Variants in ABCG2 observed in about 807,000 individuals in gnomAD.
The protein encoded by ABCG2 is broad substrate specificity ATP-binding cassette transporter ABCG2.
Under a neutral mutation model 73.5 loss-of-function variants are expected in ABCG2, and 80 were observed. The ratio of observed to expected loss-of-function variants is 1.09; its 90% confidence interval spans 0.91 to 1.31. The LOEUF (loss-of-function observed/expected upper bound fraction) is 1.31. Ranked by LOEUF, ABCG2 falls within the 50% of genes most tolerant of loss-of-function variation. The pLI is 0.00. For synonymous variants in ABCG2, 269 were observed against 282.4 expected, an observed-to-expected ratio of 0.95 and a Z score of 0.48; for missense variants, 796 against 786.2, an observed-to-expected ratio of 1.01 and a Z score of -0.15.
chr4:88,189,036 T>C (rs1345639940), intron 1 of ABCG2, among the ~76,000 whole-genome samples: 2 of 151,552 alleles, frequency 1.3e-5, no homozygotes, highest in Non-Finnish European at 2.9e-5. Flanking sequence ...AAAAACACAA[T>C]ATTAGATCTT....
upstream of ABCG2, among the ~76,000 whole-genome samples, chr4:88,159,917 T>C (rs530828429): frequency 6.3e-4 from 96 of 152,176 alleles, no homozygotes; most frequent in Non-Finnish European, 1.2e-3. Flanking sequence ...TAAAGGCCCA[T>C]ATAGAAATAC....
intron 1 of ABCG2, among the ~76,000 whole-genome samples, chr4:88,200,048 G>A (rs571610612): frequency 4.6e-5 from 7 of 152,122 alleles, no homozygotes; most frequent in South Asian, 2.1e-4. Flanking sequence ...TAGAAGGCCC[G>A]GCATGGTGGC....
intron 1 of ABCG2, chr4:88,226,628 GACTA>G (rs1160478213): frequency 1.3e-5 from 2 of 152,284 alleles, no homozygotes; most frequent in African/African-American, 4.8e-5. Context: ...GGCATAAGAA[GACTA>G]ACTTTCCCAG....
In ABCG2 at chr4:88,118,152, G is replaced by A. The variant is rs756400589; in HGVS notation, c.798C>T (p.Phe266=). The change falls in exon 7 of 16, where the codon TTC becomes TTT. Residue 266 remains phenylalanine (F), a synonymous_variant. Coordinates refer to ENST00000237612, the MANE Select transcript of ABCG2 (RefSeq NM_004827.3). ...LTLLASGRLM[F]HGPAQEALGY... is the part of the protein sequence containing the mutation. ...CCAAGGCCTCCTGAGCAGGCCCGTG[G>A]AACATAAGTCTTCCTGAGGCCAATA... 2 of 1,613,996 alleles carry A rather than the reference G, an allele frequency of 1.2e-6. No homozygotes were observed. Among genetic ancestry groups the A allele is most frequent in the Non-Finnish European group, 1.7e-6 (2 of 1,180,004 alleles).
intron 9 of ABCG2, among the ~76,000 whole-genome samples, chr4:88,109,783 G>A (rs1232231649): frequency 6.6e-6 from 1 of 152,158 alleles, no homozygotes; most frequent in Admixed American, 6.5e-5. Flanking sequence ...TTTATCAGTA[G>A]AGAGTCATAA....
At position 88,101,265 on chromosome 4, in the gene ABCG2, G is replaced by T. The variant is rs140681134; in HGVS notation, c.1332C>A (p.Ala444=). 6.2e-7 allele frequency: 1 copy of T among 1,613,916 alleles called. No individual in the cohort carries two copies. The highest frequency in any genetic ancestry group is 8.5e-7 in the Non-Finnish European group (1 of 1,180,020). ...TCTTCTCTACCACAAAGAGTTCCAC[G>T]GCTGAAACACTGCTGAAACACTGGT... The part of the protein sequence containing the change: ...TTNQCFSSVS[A]VELFVVEKKL... The change falls in exon 11 of 16, where the codon GCC becomes GCA. Residue 444 remains alanine, a synonymous_variant. Coordinates refer to ENST00000237612, the MANE Select transcript of ABCG2 (RefSeq NM_004827.3).
Position 88,100,510 on chromosome 4 carries a change from A to T in ABCG2, c.1367+720T>A, listed in dbSNP as rs575847850. Among the ~76,000 whole-genome samples, 25 of 151,542 alleles carry T rather than the reference A, an allele frequency of 1.6e-4. No individual in the cohort carries two copies. The East Asian group carries it at 3.3e-3, about 20-fold the overall frequency. ...AGAGCGAGCGAGACTCTATGTCAAA[A>T]AAAAAAAAAAAAGCTAGGCATGCCA... On this transcript the variant is annotated intron_variant, in intron 11 of 15. Coordinates refer to ENST00000237612, the MANE Select transcript of ABCG2 (RefSeq NM_004827.3).
intron 1 of ABCG2, among the ~76,000 whole-genome samples, chr4:88,153,047 C>G (rs981616371): frequency 2.0e-5 from 3 of 152,050 alleles, no homozygotes; most frequent in Admixed American, 6.6e-5. Context: ...TATTAAAGGA[C>G]TAAGAATTGG....
rs1009951830 is a variant in ABCG2, at chr4:88,091,349, G to A, written c.*885C>T. 6.6e-6 allele frequency: 1 copy of A among 152,208 alleles called. No homozygotes were observed. The highest frequency in any genetic ancestry group is 2.4e-5 in the African/African-American group (1 of 41,440). The allele number at this position is 152,208 out of a possible 1,614,324, so 9.4% of individuals were successfully genotyped here. On this transcript the variant is annotated 3_prime_UTR_variant, in exon 16 of 16. Transcript: ENST00000237612. ...AGGAAAGAAAACCTATGTAGGGACA[G>A]ATGTTAATAGTTATTAAATCCTAAG...
At chr4:88,181,633 A>G (rs34569524) in intron 1 of ABCG2, among the ~76,000 whole-genome samples, 42,824 of 151,782 alleles carry the variant, frequency 0.28, 6,650 homozygotes, top group Middle Eastern at 0.42. Context: ...CAGAAGGCTG[A>G]GGTAAGAAGG....
At chr4:88,215,199 A>G (rs1420892884) in intron 1 of ABCG2, among the ~76,000 whole-genome samples, 1 of 152,200 alleles carries the variant, frequency 6.6e-6, no homozygotes, top group Non-Finnish European at 1.5e-5. Flanking sequence ...ATGGGGATAA[A>G]GTATAATATT....
chr4:88,160,657 C>T (rs1727256769), upstream of ABCG2, among the ~76,000 whole-genome samples: 2 of 151,900 alleles, frequency 1.3e-5, no homozygotes, highest in Non-Finnish European at 2.9e-5. Context: ...CAAGAGCAGC[C>T]TGGCCAACAT....
chr4:88,094,784 T>C, intron 14 of ABCG2, 125 bp from the exon 15 acceptor site: 2 of 772,338 alleles, frequency 2.6e-6, no homozygotes, highest in South Asian at 3.5e-5. Context: ...ATATTCACAG[T>C]CTTTGTCTCA....
At chr4:88,120,710 C>T (rs1364863261) in intron 6 of ABCG2, among the ~76,000 whole-genome samples, 1 of 152,106 alleles carries the variant, frequency 6.6e-6, no homozygotes, top group Non-Finnish European at 1.5e-5. Flanking sequence ...TACTAACTTG[C>T]TTTTGATTTT....
chr4:88,106,428 T>C (rs1177421028), intron 10 of ABCG2, among the ~76,000 whole-genome samples: 1 of 152,172 alleles, frequency 6.6e-6, no homozygotes, highest in Non-Finnish European at 1.5e-5. Context: ...GGAATATTAT[T>C]CAACCTTACA....
intron 1 of ABCG2, among the ~76,000 whole-genome samples, chr4:88,184,365 T>C (rs901236477): frequency 1.3e-5 from 2 of 152,168 alleles, no homozygotes; most frequent in African/African-American, 4.8e-5. Flanking sequence ...AGTTGCAGGA[T>C]ACAAAATCAA....
chr4:88,130,283 G>T (rs559037289), intron 5 of ABCG2, among the ~76,000 whole-genome samples: 19 of 152,050 alleles, frequency 1.2e-4, no homozygotes, highest in African/African-American at 4.3e-4. Flanking sequence ...TCTCATAGGA[G>T]CATGAACCCT....
chr4:88,157,278 A>T (rs1727012176), intron 1 of ABCG2, among the ~76,000 whole-genome samples: 1 of 152,218 alleles, frequency 6.6e-6, no homozygotes, highest in Non-Finnish European at 1.5e-5. Flanking sequence ...CACTAGTGTC[A>T]AGGTCCATGA....
chr4:88,139,140 C>CAA (rs35885773), intron 2 of ABCG2, among the ~76,000 whole-genome samples: 3 of 102,570 alleles, frequency 2.9e-5, no homozygotes, highest in African/African-American at 7.4e-5. Flanking sequence ...GACTCCCTCT[C>CAA]AAAAAAAAAA....
Sources: allele counts gnomAD v4.1 joint callset (sites outside exome capture counted in the v4.1 genomes callset), GRCh38; gene constraint gnomAD v4.1.1; transcripts MANE v1.5; gene names NCBI Gene and HGNC (gene_info 2026-07-23, HGNC 2026-07-21).